The following PDE3A variants were observed in gnomAD, a reference collection of about 807,000 sequenced individuals.
The protein encoded by PDE3A is phosphodiesterase 3A.
In PDE3A, 43 loss-of-function variants were observed where a neutral mutation model predicts 98.3. The ratio of observed to expected loss-of-function variants is 0.44; its 90% CI spans 0.34 to 0.56. The LOEUF is 0.56. PDE3A is among the 20% of genes least tolerant of loss of function. PDE3A has a pLI of 0.01. For synonymous variants in PDE3A, 663 were observed against 567.9 expected, an observed-to-expected ratio of 1.17 and a Z score of -2.38; for missense variants, 1,427 against 1,440.7, an observed-to-expected ratio of 0.99 and a Z score of 0.15.
intron 1 of PDE3A, among the ~76,000 whole-genome samples, chr12:20,462,831 T>C (rs1020547686): frequency 1.3e-5 from 2 of 152,018 alleles, no homozygotes; most frequent in Non-Finnish European, 2.9e-5. Flanking sequence ...CACTCTGTCA[T>C]CTAGGCTGGG....
At position 20,368,930 on chromosome 12, in the gene PDE3A, G is replaced by A. The variant is rs1250997947; in HGVS notation, c.-355G>A. On this transcript the variant is annotated 5_prime_UTR_variant, in exon 1 of 16. Coordinates refer to ENST00000359062, the MANE Select transcript of PDE3A (RefSeq NM_000921.5). ...GGCAATTTTTGAAATCCTGAAGTAG[G>A]AAGAGACCCCGGAGGATATAAGTCG... 6.6e-6 allele frequency among the ~76,000 whole-genome samples: 1 copy of A among 152,018 alleles called. No individual in the cohort carries two copies. The highest frequency in any genetic ancestry group is 1.5e-5 in the Non-Finnish European group (1 of 67,982).
intron 1 of PDE3A, among the ~76,000 whole-genome samples, chr12:20,415,983 C>A (rs900106269): frequency 6.6e-6 from 1 of 152,164 alleles, no homozygotes; most frequent in African/African-American, 2.4e-5. Flanking sequence ...AATGAGATAA[C>A]TACAAGCCTT....
At chr12:20,523,060 G>A (rs956777939) in intron 1 of PDE3A, among the ~76,000 whole-genome samples, 13 of 151,888 alleles carry the variant, frequency 8.6e-5, no homozygotes, top group Non-Finnish European at 1.8e-4. Flanking sequence ...GGTATACCTG[G>A]GCGGTGGGGT....
At chr12:20,518,157 A>G (rs900057376) in intron 1 of PDE3A, among the ~76,000 whole-genome samples, 1 of 152,146 alleles carries the variant, frequency 6.6e-6, no homozygotes, top group Non-Finnish European at 1.5e-5. Context: ...ATTGCAAACA[A>G]ATTGCTCCAG....
intron 1 of PDE3A, among the ~76,000 whole-genome samples, chr12:20,380,132 C>G (rs1027755295): frequency 2.0e-5 from 3 of 151,870 alleles, no homozygotes; most frequent in African/African-American, 7.2e-5. Context: ...CTCTAGTAGT[C>G]TGCATTCTTG....
At chr12:20,543,493 C>T (rs1291188534) in intron 1 of PDE3A, among the ~76,000 whole-genome samples, 2 of 151,946 alleles carry the variant, frequency 1.3e-5, no homozygotes, top group South Asian at 2.1e-4. Flanking sequence ...CCAGGCCTCT[C>T]ATAACCAAGG....
intron 1 of PDE3A, among the ~76,000 whole-genome samples, chr12:20,446,217 A>G (rs2120865154): frequency 6.6e-6 from 1 of 152,256 alleles, no homozygotes; most frequent in Admixed American, 6.5e-5. Flanking sequence ...TCTTCCTTCC[A>G]AATGTATAAG....
rs191364575 is a variant in PDE3A at position 20,634,781 on chromosome 12, T to C, written c.1847-121T>C. The C allele has an allele frequency of 1.3e-3, 932 of 706,112 alleles. 16 individuals carry two copies. In the South Asian group the frequency reaches 0.014, roughly 10 times the overall value. The allele number at this position is 706,112 out of a possible 1,614,324, so 43.7% of individuals were successfully genotyped here. A position where few individuals can be genotyped will look rare whatever the true frequency, so the allele number is the denominator to read the frequency against. ...CTATGATCCTATGTTCTTGGAGTGC[T>C]CAGGAAAGCAGTATTTCCCTAAACA... On this transcript the variant is annotated intron_variant, in intron 7 of 15. Transcript: ENST00000359062.
chr12:20,674,222 G>T (rs548739606), intron 15 of PDE3A, among the ~76,000 whole-genome samples: 3 of 152,030 alleles, frequency 2.0e-5, no homozygotes, highest in Non-Finnish European at 4.4e-5. Context: ...TTTTGATGGA[G>T]TCTATGTTTT....
chr12:20,570,938 T>C (rs552508007), intron 2 of PDE3A, among the ~76,000 whole-genome samples: 11 of 152,292 alleles, frequency 7.2e-5, no homozygotes, highest in African/African-American at 2.4e-4. Context: ...TATCAGCTAG[T>C]GAACTTATTA....
intron 1 of PDE3A, among the ~76,000 whole-genome samples, chr12:20,527,700 AG>A (rs1946550742): frequency 6.6e-6 from 1 of 152,210 alleles, no homozygotes; most frequent in Admixed American, 6.5e-5. Flanking sequence ...TATGGCAGCA[AG>A]GATGTTTTGG....
chr12:20,536,332 T>G (rs1415170840), intron 1 of PDE3A, among the ~76,000 whole-genome samples: 3 of 113,142 alleles, frequency 2.7e-5, no homozygotes, highest in African/African-American at 7.8e-5. Context: ...AGGAGATCCT[T>G]TACTGTGAGG....
At chr12:20,460,785 C>A (rs764343147) in intron 1 of PDE3A, among the ~76,000 whole-genome samples, 1 of 152,104 alleles carries the variant, frequency 6.6e-6, no homozygotes, top group African/African-American at 2.4e-5. Context: ...TGGAACTTGG[C>A]GATCTCAGAG....
chr12:20,554,263 G>A (rs1942303083), intron 1 of PDE3A, among the ~76,000 whole-genome samples: 2 of 150,522 alleles, frequency 1.3e-5, no homozygotes. Context: ...GATTATTAAT[G>A]TATTAGGGAA....
intron 5 of PDE3A, among the ~76,000 whole-genome samples, chr12:20,623,809 GAAAGAATTTATGATGGATGTA>G (rs1180327196): frequency 1.3e-5 from 2 of 152,082 alleles, no homozygotes; most frequent in African/African-American, 4.8e-5. Flanking sequence ...ATGTATTCTA[GAAAGAATTTATGATGGATGTA>G]TTCTAGAAAG....
In PDE3A at chr12:20,629,770, T is replaced by G. The variant is rs190402175; in HGVS notation, c.1541-138T>G. 4.8e-5 allele frequency: 31 copies of G among 650,802 alleles called. No individual in the cohort carries two copies. In the South Asian group the frequency reaches 5.5e-4, roughly 12 times the overall value. 40.3% of individuals were successfully genotyped at this position (650,802 alleles called of 1,614,324 possible). A position where few individuals can be genotyped will look rare whatever the true frequency, so the allele number is the denominator to read the frequency against. Reference sequence around the variant, plus strand: ...ACCACACTGGCTTCAGATGTTGGTATGTGGAGGAGGCCAGCCCGGTGACCT... The same window carrying G: ...ACCACACTGGCTTCAGATGTTGGTAGGTGGAGGAGGCCAGCCCGGTGACCT... On this transcript the variant is annotated intron_variant, in intron 5 of 15. Transcript: ENST00000359062.
At position 20,607,716 on chromosome 12, in the gene PDE3A, T is replaced by C. The variant is rs866618512; in HGVS notation, c.1012-5727T>C. Reference sequence around the variant, plus strand: ...AGAATGTTTTATATTGCTTGGTAAGTTTTTTTTTTTAAAGGAAAAGATTTG... The same window carrying C: ...AGAATGTTTTATATTGCTTGGTAAGCTTTTTTTTTTAAAGGAAAAGATTTG... On this transcript the variant is annotated intron_variant, in intron 2 of 15. Transcript: ENST00000359062. Among the ~76,000 whole-genome samples the C allele has an allele frequency of 7.1e-3, 1,067 of 149,844 alleles. 6 individuals are homozygous for C. Among genetic ancestry groups the C allele is most frequent in the African/African-American group, 0.024 (983 of 40,956 alleles).
At chr12:20,387,777 G>T (rs1465028383) in intron 1 of PDE3A, among the ~76,000 whole-genome samples, 1 of 151,952 alleles carries the variant, frequency 6.6e-6, no homozygotes, top group Non-Finnish European at 1.5e-5. Flanking sequence ...TTTACATACT[G>T]CTTGGGAACA....
At chr12:20,551,468 G>A in intron 1 of PDE3A, 2 of 639,486 alleles carry the variant, frequency 3.1e-6, no homozygotes, top group African/African-American at 3.7e-5. Flanking sequence ...GATTCCGTGG[G>A]TGGTGGTGCA....
Sources: gnomAD v4.1 joint callset for allele counts (sites outside exome capture counted in the v4.1 genomes callset) on GRCh38, gnomAD v4.1.1 for gene constraint, MANE v1.5 for transcripts, NCBI Gene and HGNC (gene_info 2026-07-23, HGNC 2026-07-21) for gene names.